Variants in AFF3 observed in about 807,000 individuals in gnomAD.
AFF3 encodes the protein ALF transcription elongation factor 3.
Under a neutral mutation model 129.7 loss-of-function variants are expected in AFF3, and 32 were observed. That is an observed-to-expected ratio of 0.25 (90% CI 0.19 to 0.33). AFF3 has a LOEUF of 0.33. AFF3 is among the 10% of genes least tolerant of loss of function. AFF3 has a pLI of 1.00. For missense variants in AFF3, 1,373 were observed against 1,592.0 expected, an observed-to-expected ratio of 0.86 and a Z score of 2.34; for synonymous variants, 644 against 635.4, an observed-to-expected ratio of 1.01 and a Z score of -0.20.
intron 7 of AFF3, among the ~76,000 whole-genome samples, chr2:99,886,884 T>C (rs977889472): frequency 4.6e-5 from 7 of 152,190 alleles, no homozygotes. Context: ...AGACTTCAAT[T>C]TAGGAAAACC....
Position 99,741,167 on chromosome 2 carries a change from G to A in AFF3, c.1039+2937C>T, listed in dbSNP as rs556312662. ...CCTTTGAAAACTGGCACAAGACAGG[G>A]ATGCCCTCTCTCATCACTCCTATTC... On this transcript the variant is annotated intron_variant, in intron 10 of 24. Coordinates refer to ENST00000672756, the MANE Select transcript of AFF3 (RefSeq NM_001386135.1). 3.7e-3 allele frequency among the ~76,000 whole-genome samples: 556 copies of A among 152,320 alleles called. 3 individuals are homozygous for A. The highest frequency in any genetic ancestry group is 6.2e-3 in the Non-Finnish European group (422 of 68,036).
rs141310115 is a variant in AFF3, at chr2:99,788,660, A to C, written c.922-36359T>G. ...AAGGTTAATTTATTACTGAAGAAACAGAAGTTTTTTAAAAATAAATTTAGT... is the reference window on the plus strand; with the variant it reads ...AAGGTTAATTTATTACTGAAGAAACCGAAGTTTTTTAAAAATAAATTTAGT... On this transcript the variant is annotated intron_variant, in intron 8 of 24. Transcript: ENST00000672756. 6.6e-3 allele frequency among the ~76,000 whole-genome samples: 1,009 copies of C among 152,334 alleles called. 13 individuals are homozygous for C. The highest frequency in any genetic ancestry group is 0.025 in the South Asian group (121 of 4,820).
At chr2:99,619,164 T>C (rs1038760567) in intron 13 of AFF3, among the ~76,000 whole-genome samples, 6 of 152,220 alleles carry the variant, frequency 3.9e-5, no homozygotes, top group Non-Finnish European at 8.8e-5. Flanking sequence ...CTGAAAACCC[T>C]CTTTCTAACC....
intron 13 of AFF3, among the ~76,000 whole-genome samples, chr2:99,607,470 T>TA (rs1680481603): frequency 6.6e-6 from 1 of 151,458 alleles, no homozygotes; most frequent in South Asian, 2.1e-4. Flanking sequence ...AGGCGGAGGT[T>TA]ACAGTGAGCC....
Position 99,556,143 on chromosome 2 carries a change from G to A in AFF3, c.3286-1411C>T, listed in dbSNP as rs567389220. Among the ~76,000 whole-genome samples the A allele has an allele frequency of 3.3e-5, 5 of 152,294 alleles. No homozygotes were observed. In the South Asian group the frequency reaches 8.3e-4, roughly 25 times the overall value. Reference sequence around the variant, plus strand: ...GCTTGGGGGTTGCAGAAACAGTCCAGTAAAGGCTACTGAATGGAGGAAGAA... The same window carrying A: ...GCTTGGGGGTTGCAGAAACAGTCCAATAAAGGCTACTGAATGGAGGAAGAA... On this transcript the variant is annotated intron_variant, in intron 22 of 24. Coordinates refer to ENST00000672756, the MANE Select transcript of AFF3 (RefSeq NM_001386135.1).
intron 12 of AFF3, among the ~76,000 whole-genome samples, chr2:99,666,310 T>C (rs1441874412): frequency 6.6e-6 from 1 of 152,154 alleles, no homozygotes; most frequent in Non-Finnish European, 1.5e-5. Flanking sequence ...TTATAGGATA[T>C]TAAGGGAGAA....
At chr2:99,618,614 A>T (rs906947633) in intron 13 of AFF3, among the ~76,000 whole-genome samples, 1 of 152,170 alleles carries the variant, frequency 6.6e-6, no homozygotes, top group Admixed American at 6.5e-5. Flanking sequence ...ATTTTTATTA[A>T]CTGTAATGCT....
chr2:100,062,209 G>A (rs1441720222), intron 4 of AFF3, among the ~76,000 whole-genome samples: 2 of 152,202 alleles, frequency 1.3e-5, no homozygotes, highest in Non-Finnish European at 2.9e-5. Context: ...GTGGGAGCAA[G>A]GGAAGGCAAG....
chr2:99,832,459 C>T (rs1688575507), intron 8 of AFF3, among the ~76,000 whole-genome samples: 1 of 152,210 alleles, frequency 6.6e-6, no homozygotes. Flanking sequence ...GCCAAGTCCA[C>T]AGATTGTAGT....
intron 4 of AFF3, among the ~76,000 whole-genome samples, chr2:100,015,656 G>A (rs1479308781): frequency 6.6e-6 from 1 of 152,230 alleles, no homozygotes; most frequent in African/African-American, 2.4e-5. Flanking sequence ...GGTTGCTGAA[G>A]TGTACTTGCA....
At chr2:100,105,353 C>T (rs1559128754) in intron 3 of AFF3, 151 bp downstream of exon 3, 1 of 1,240,548 alleles carries the variant, frequency 8.1e-7, no homozygotes, top group Non-Finnish European at 1.0e-6. Flanking sequence ...GTCTCTGGAG[C>T]CCGCAAGTTC....
At chr2:99,573,839 T>C (rs535262443) in intron 18 of AFF3, among the ~76,000 whole-genome samples, 4 of 152,268 alleles carry the variant, frequency 2.6e-5, no homozygotes, top group Admixed American at 2.0e-4. Flanking sequence ...GACTTTTCCA[T>C]GTGACATACA....
chr2:99,655,757 C>G (rs533681309), intron 12 of AFF3, among the ~76,000 whole-genome samples: 7 of 151,900 alleles, frequency 4.6e-5, no homozygotes, highest in African/African-American at 1.7e-4. Flanking sequence ...AAAAATAGTA[C>G]GGAGGGAGGC....
chr2:99,732,739 C>G (rs1317950128), intron 10 of AFF3, among the ~76,000 whole-genome samples: 1 of 152,162 alleles, frequency 6.6e-6, no homozygotes, highest in African/African-American at 2.4e-5. Context: ...AGTTCTGGGC[C>G]TTAAGACTTC....
chr2:100,115,444 A>G (rs1251491583), intron 2 of AFF3, among the ~76,000 whole-genome samples: 1 of 152,128 alleles, frequency 6.6e-6, no homozygotes, highest in African/African-American at 2.4e-5. Context: ...GCTACTAGGT[A>G]CTTGGGAGGC....
chr2:99,798,236 T>C (rs976151257), intron 8 of AFF3, among the ~76,000 whole-genome samples: 1 of 151,582 alleles, frequency 6.6e-6, no homozygotes, highest in African/African-American at 2.4e-5. Flanking sequence ...ACCACTAAAA[T>C]AACAAAGCAA....
At chr2:99,794,477 T>G (rs142185025) in intron 8 of AFF3, among the ~76,000 whole-genome samples, 4 of 152,316 alleles carry the variant, frequency 2.6e-5, no homozygotes, top group Non-Finnish European at 2.9e-5. Flanking sequence ...AGAATTTAAA[T>G]GTATCTTTGC....
chr2:100,008,964 C>A, intron 4 of AFF3, 32 bp from the exon 5 acceptor site: 1 of 1,610,344 alleles, frequency 6.2e-7, no homozygotes, highest in Non-Finnish European at 8.5e-7. Context: ...AGAACAACCA[C>A]ACACACAAAT....
intron 13 of AFF3, among the ~76,000 whole-genome samples, chr2:99,624,038 TG>T (rs1228191181): frequency 6.6e-6 from 1 of 152,192 alleles, no homozygotes; most frequent in African/African-American, 2.4e-5. Context: ...TACAGGGCCC[TG>T]GGAGGCTGCA....
Sources: allele counts gnomAD v4.1 joint callset (sites outside exome capture counted in the v4.1 genomes callset), GRCh38; gene constraint gnomAD v4.1.1; transcripts MANE v1.5; gene names NCBI Gene and HGNC (gene_info 2026-07-23, HGNC 2026-07-21).